The following RBMS3 variants were observed in gnomAD, a reference collection of about 807,000 sequenced individuals.
RBMS3 encodes the protein RNA binding motif single stranded interacting protein 3.
Under a neutral mutation model 66.8 loss-of-function variants are expected in RBMS3, and 27 were observed. The ratio of observed to expected loss-of-function variants is 0.40; its 90% CI spans 0.30 to 0.56. The LOEUF is 0.56. Among genes scored for constraint, RBMS3 ranks in the 20% least tolerant of loss-of-function variants. RBMS3 has a pLI of 0.40. For missense variants in RBMS3, 513 were observed against 549.5 expected, an observed-to-expected ratio of 0.93 and a Z score of 0.66; for synonymous variants, 188 against 183.0, an observed-to-expected ratio of 1.03 and a Z score of -0.22.
At chr3:29,778,940 T>C (rs1241906255) in intron 6 of RBMS3, among the ~76,000 whole-genome samples, 1 of 151,806 alleles carries the variant, frequency 6.6e-6, no homozygotes, top group Admixed American at 6.6e-5. Context: ...GAGTGTCACT[T>C]CCCTCCATTA....
At chr3:30,003,403 A>G (rs1401141919) in intron 14 of RBMS3, among the ~76,000 whole-genome samples, 1 of 151,974 alleles carries the variant, frequency 6.6e-6, no homozygotes, top group Non-Finnish European at 1.5e-5. Context: ...AGAGGAAAAG[A>G]GAATAAAACT....
At chr3:29,377,995 T>A (rs1426205612) in intron 1 of RBMS3, among the ~76,000 whole-genome samples, 1 of 152,172 alleles carries the variant, frequency 6.6e-6, no homozygotes, top group Non-Finnish European at 1.5e-5. Context: ...CACCTTAATA[T>A]ATAACAGCCC....
rs113445292 is a variant in RBMS3, at chr3:29,425,220, A to AAC, written c.76-9522_76-9521insCA. Reference sequence around the variant, plus strand: ...AAAAAAACCCCCCAAAAAAAACAAAAAAAAAAAAACAGGCGTGGTGTCACC... The same window carrying AAC: ...AAAAAAACCCCCCAAAAAAAACAAAAACAAAAAAAAACAGGCGTGGTGTCACC... On this transcript the variant is annotated intron_variant, in intron 1 of 14. Coordinates refer to ENST00000383767, the MANE Select transcript of RBMS3 (RefSeq NM_001003793.3). Among the ~76,000 whole-genome samples the AAC allele has an allele frequency of 1.6e-3, 180 of 113,354 alleles. 2 individuals are homozygous for AAC. Among genetic ancestry groups the AAC allele is most frequent in the African/African-American group, 4.9e-3 (168 of 33,996 alleles). The allele number at this position is 113,354 out of a possible 152,430, so 74.4% of individuals were successfully genotyped here. A position where few individuals can be genotyped will look rare whatever the true frequency, so the allele number is the denominator to read the frequency against.
intron 10 of RBMS3, among the ~76,000 whole-genome samples, chr3:29,929,620 C>G (rs958299704): frequency 6.6e-6 from 1 of 151,826 alleles, no homozygotes; most frequent in Admixed American, 6.6e-5. Context: ...TTACTAGTTA[C>G]TGAATCAAAA....
chr3:29,847,023 G>C (rs535932609), intron 6 of RBMS3, among the ~76,000 whole-genome samples: 1 of 152,102 alleles, frequency 6.6e-6, no homozygotes, highest in Admixed American at 6.6e-5. Flanking sequence ...GATGCAAGGC[G>C]CCATATCGCA....
chr3:29,321,344 T>A (rs1200153496), intron 1 of RBMS3, among the ~76,000 whole-genome samples: 1 of 152,154 alleles, frequency 6.6e-6, no homozygotes, highest in East Asian at 1.9e-4. Flanking sequence ...ATTTAACAAA[T>A]GTTGTGCTCT....
intron 6 of RBMS3, among the ~76,000 whole-genome samples, chr3:29,840,902 T>C (rs905943528): frequency 6.6e-6 from 1 of 151,988 alleles, no homozygotes. Flanking sequence ...TTAAAAGTTA[T>C]GCATATTTTA....
intron 2 of RBMS3, among the ~76,000 whole-genome samples, chr3:29,454,118 G>A (rs1217454551): frequency 2.6e-5 from 4 of 152,212 alleles, no homozygotes; most frequent in African/African-American, 9.7e-5. Flanking sequence ...CTTGAGAATA[G>A]TTTGATGTTA....
intron 5 of RBMS3, among the ~76,000 whole-genome samples, chr3:29,750,471 AG>A (rs2055124482): frequency 6.6e-6 from 1 of 152,222 alleles, no homozygotes; most frequent in Non-Finnish European, 1.5e-5. Flanking sequence ...GCATATATCA[AG>A]ACATATCTGA....
At chr3:29,946,395 C>T (rs1476751510) in intron 12 of RBMS3, among the ~76,000 whole-genome samples, 4 of 151,568 alleles carry the variant, frequency 2.6e-5, no homozygotes, top group Non-Finnish European at 5.9e-5. Flanking sequence ...GAGATATCTG[C>T]TTGACAATTT....
chr3:29,995,082 G>A (rs562207579), intron 14 of RBMS3, among the ~76,000 whole-genome samples: 2,501 of 152,318 alleles, frequency 0.016, 38 homozygotes, highest in African/African-American at 0.038. Flanking sequence ...GCTTAAAGGA[G>A]CTGATGGAGC....
At chr3:29,839,803 G>T (rs1472135713) in intron 6 of RBMS3, among the ~76,000 whole-genome samples, 1 of 151,624 alleles carries the variant, frequency 6.6e-6, no homozygotes, top group Non-Finnish European at 1.5e-5. Context: ...TTATAAAATA[G>T]TTATTACTTA....
At chr3:29,361,467 G>T (rs908344551) in intron 1 of RBMS3, among the ~76,000 whole-genome samples, 4 of 152,140 alleles carry the variant, frequency 2.6e-5, no homozygotes, top group Admixed American at 2.0e-4. Flanking sequence ...CTTTCTCTCT[G>T]TCTGCCCTTA....
intron 12 of RBMS3, among the ~76,000 whole-genome samples, chr3:29,948,017 A>G (rs1399511863): frequency 3.3e-5 from 5 of 151,522 alleles, no homozygotes; most frequent in Admixed American, 6.6e-5. Flanking sequence ...AAATACACTG[A>G]AAAGAACCTG....
intron 1 of RBMS3, among the ~76,000 whole-genome samples, chr3:29,352,479 C>T (rs1353943316): frequency 1.3e-5 from 2 of 151,880 alleles, no homozygotes; most frequent in African/African-American, 4.8e-5. Flanking sequence ...ATACATGATA[C>T]ATATTTATAA....
intron 3 of RBMS3, among the ~76,000 whole-genome samples, chr3:29,540,568 G>A (rs183895806): frequency 6.6e-6 from 1 of 152,226 alleles, no homozygotes; most frequent in Admixed American, 6.5e-5. Flanking sequence ...TGGAATCAAG[G>A]CTTTACATAC....
chr3:29,721,435 T>C (rs1017862570), intron 4 of RBMS3, among the ~76,000 whole-genome samples: 4 of 152,142 alleles, frequency 2.6e-5, no homozygotes, highest in African/African-American at 9.7e-5. Context: ...ATAGCAACCT[T>C]GGCATGACAG....
chr3:29,398,679 A>G (rs1284086490), intron 1 of RBMS3, among the ~76,000 whole-genome samples: 1 of 151,000 alleles, frequency 6.6e-6, no homozygotes. Context: ...AATGCTGTCA[A>G]GATGGCTATG....
intron 3 of RBMS3, among the ~76,000 whole-genome samples, chr3:29,517,950 C>T (rs2044709192): frequency 6.6e-6 from 1 of 152,066 alleles, no homozygotes; most frequent in South Asian, 2.1e-4. Flanking sequence ...TTTTCTTCCC[C>T]CTAAATAATC....
Sources: allele counts gnomAD v4.1 joint callset (sites outside exome capture counted in the v4.1 genomes callset), GRCh38; gene constraint gnomAD v4.1.1; transcripts MANE v1.5; gene names NCBI Gene and HGNC (gene_info 2026-07-23, HGNC 2026-07-21).